GNAO1: variants seen among roughly 807,000 people sequenced by gnomAD.
GNAO1 encodes guanine nucleotide-binding protein G(o) subunit alpha.
For missense variants in GNAO1, 166 were observed against 478.7 expected, an observed-to-expected ratio of 0.35 and a Z score of 6.10; for synonymous variants, 164 against 180.7, an observed-to-expected ratio of 0.91 and a Z score of 0.74.
Position 56,351,488 on chromosome 16 carries a change from C to A in GNAO1, c.828C>A (p.Gly276=). ...ILFLNKKDLF[G]EKIKKSPLTI... ...TCCTCAACAAGAAAGATCTCTTTGG[C>A]GAGAAGATCAAGAAGTCACCTTTGA... Residue 276 remains glycine, a synonymous_variant, in exon 7 of 9, where the codon GGC becomes GGA. Transcript: ENST00000262493. This position sits in a 1 kb window ranked among gnomAD's most constrained non-coding sequence, Gnocchi z 6.1. The A allele has an allele frequency of 1.2e-6, 2 of 1,612,658 alleles. No individual in the cohort carries two copies. The highest frequency in any genetic ancestry group is 1.7e-6 in the Non-Finnish European group (2 of 1,178,732).
In GNAO1 at chr16:56,356,684, C is replaced by T. The variant is rs535318250; in HGVS notation, c.*610C>T. The T allele has an allele frequency of 1.3e-5, 2 of 152,890 alleles. No homozygotes were observed. The highest frequency in any genetic ancestry group is 2.1e-4 in the South Asian group (1 of 4,830). The allele number at this position is 152,890 out of a possible 1,614,324, so 9.5% of individuals were successfully genotyped here. ...GGCCAGTAGCTGCCAAAAAGAACAC[C>T]CATCGTATAAGGAAATCCAGCCCCA... On this transcript the variant is annotated 3_prime_UTR_variant, in exon 9 of 9. Transcript: ENST00000262493.
At chr16:56,248,452 A>T (rs2036769875) in intron 2 of GNAO1, among the ~76,000 whole-genome samples, 1 of 152,208 alleles carries the variant, frequency 6.6e-6, no homozygotes, top group Admixed American at 6.5e-5. Flanking sequence ...TATATACTAA[A>T]TGCTTGCCCT....
At chr16:56,249,418 A>G (rs1173111961) in intron 2 of GNAO1, among the ~76,000 whole-genome samples, 8 of 152,164 alleles carry the variant, frequency 5.3e-5, no homozygotes, top group African/African-American at 1.2e-4. Context: ...AATGAAAACC[A>G]TCGCACTTTC....
In GNAO1 at chr16:56,310,157, GAAAGAAAAAAA is replaced by G. The variant is rs1301886257; in HGVS notation, c.304-18463_304-18453del. ...CCCCATTTCTAAAAAACAAAAAAAA[GAAAGAAAAAAA>G]AAAGAAAAAATCAGCAGGACATTGT... On this transcript the variant is annotated intron_variant, in intron 3 of 8. Transcript: ENST00000262493. Among the ~76,000 whole-genome samples the G allele has an allele frequency of 4.6e-5, 7 of 150,788 alleles. No individual in the cohort carries two copies. The South Asian group carries it at 1.3e-3, about 27-fold the overall frequency.
intron 2 of GNAO1, among the ~76,000 whole-genome samples, chr16:56,268,878 G>A (rs1317856383): frequency 6.6e-6 from 1 of 152,142 alleles, no homozygotes; most frequent in African/African-American, 2.4e-5. Flanking sequence ...CTGGCATGTG[G>A]CTTCTTCCCT....
intron 2 of GNAO1, among the ~76,000 whole-genome samples, chr16:56,274,547 TGTG>T (rs1460062699): frequency 6.6e-6 from 1 of 151,840 alleles, no homozygotes; most frequent in Non-Finnish European, 1.5e-5. Flanking sequence ...ATAAATAAAA[TGTG>T]GTACATCCAT....
At chr16:56,231,998 G>T (rs1405176066) in intron 2 of GNAO1, among the ~76,000 whole-genome samples, 1 of 152,112 alleles carries the variant, frequency 6.6e-6, no homozygotes, top group East Asian at 1.9e-4. Context: ...TGGAGGAGGG[G>T]GGCCCAGACC....
chr16:56,324,307 C>T (rs887739642), intron 3 of GNAO1, among the ~76,000 whole-genome samples: 1 of 152,170 alleles, frequency 6.6e-6, no homozygotes, highest in South Asian at 2.1e-4. Flanking sequence ...CCCACATTAG[C>T]GTGTGATCCT....
Position 56,357,194 on chromosome 16 carries a change from C to T in GNAO1, c.*1120C>T, listed in dbSNP as rs1254235300. On this transcript the variant is annotated 3_prime_UTR_variant, in exon 9 of 9. Coordinates refer to ENST00000262493, the MANE Select transcript of GNAO1 (RefSeq NM_020988.3). ...CCTCTTCACGGTTTCACTTTTAAGA[C>T]TTAATCTTTGCTGAAGAAGACCAGT... The T allele has an allele frequency of 6.6e-6, 1 of 151,238 alleles. No homozygotes were observed. The highest frequency in any genetic ancestry group is 6.6e-5 in the Admixed American group (1 of 15,136). 9.4% of individuals were successfully genotyped at this position (151,238 alleles called of 1,614,324 possible).
intron 2 of GNAO1, among the ~76,000 whole-genome samples, chr16:56,234,533 A>G (rs1292453103): frequency 6.6e-6 from 1 of 152,236 alleles, no homozygotes; most frequent in Non-Finnish European, 1.5e-5. Context: ...TCTAATAGCC[A>G]GTTTAAGGAG....
At chr16:56,196,022 T>C (rs184388520) in intron 2 of GNAO1, among the ~76,000 whole-genome samples, 207 of 152,160 alleles carry the variant, frequency 1.4e-3, no homozygotes, top group African/African-American at 4.8e-3. Context: ...GCTTGATAAG[T>C]GTTGTAAGGG....
chr16:56,343,449 C>A (rs2037825966), intron 6 of GNAO1, among the ~76,000 whole-genome samples: 2 of 149,884 alleles, frequency 1.3e-5, no homozygotes. Flanking sequence ...GATCGTACCA[C>A]CACACTCCAG....
intron 3 of GNAO1, among the ~76,000 whole-genome samples, chr16:56,293,720 T>C (rs1444806214): frequency 6.6e-6 from 1 of 152,192 alleles, no homozygotes; most frequent in African/African-American, 2.4e-5. Context: ...TGACTGAAGA[T>C]GAGGCTAATT....
At chr16:56,285,757 CA>C (rs2037160336) in intron 3 of GNAO1, among the ~76,000 whole-genome samples, 1 of 152,188 alleles carries the variant, frequency 6.6e-6, no homozygotes. Context: ...ATAGGATTTA[CA>C]AAAATATTAA....
In GNAO1 at chr16:56,320,859, C is replaced by G. The variant is rs2617838; in HGVS notation, c.304-7772C>G. 2.5e-3 allele frequency among the ~76,000 whole-genome samples: 382 copies of G among 152,338 alleles called. 2 individuals carry two copies. The highest frequency in any genetic ancestry group is 8.9e-3 in the African/African-American group (370 of 41,578). On this transcript the variant is annotated intron_variant, in intron 3 of 8. Coordinates refer to ENST00000262493, the MANE Select transcript of GNAO1 (RefSeq NM_020988.3). ...GGACAGTGGTGGGAAGAGGGACCCA[C>G]TCCTTCATGCCTCAGGCAGACATGC...
intron 2 of GNAO1, among the ~76,000 whole-genome samples, chr16:56,210,819 C>T (rs1042837583): frequency 1.3e-5 from 2 of 152,142 alleles, no homozygotes; most frequent in Non-Finnish European, 2.9e-5. Context: ...TGGATAACAG[C>T]CTTTTATCTG....
At chr16:56,280,764 G>C (rs552878882) in intron 3 of GNAO1, among the ~76,000 whole-genome samples, 1 of 152,178 alleles carries the variant, frequency 6.6e-6, no homozygotes, top group East Asian at 1.9e-4. Context: ...ATGGGCACAA[G>C]GTAGAACCTC....
intron 2 of GNAO1, among the ~76,000 whole-genome samples, chr16:56,231,671 A>G (rs769798878): frequency 8.5e-5 from 13 of 152,198 alleles, no homozygotes; most frequent in Non-Finnish European, 1.8e-4. Flanking sequence ...ATAAATCTGA[A>G]TGCAGACTGT....
At chr16:56,309,218 A>G (rs1157721409) in intron 3 of GNAO1, among the ~76,000 whole-genome samples, 1 of 152,184 alleles carries the variant, frequency 6.6e-6, no homozygotes, top group Non-Finnish European at 1.5e-5. Flanking sequence ...CTAGGAGACC[A>G]GAAGTTACCA....
Sources: gnomAD v4.1 joint callset for allele counts (sites outside exome capture counted in the v4.1 genomes callset) on GRCh38, gnomAD v4.1.1 for gene constraint, Gnocchi (gnomAD v3.1) non-coding constraint, MANE v1.5 for transcripts, NCBI Gene and HGNC (gene_info 2026-07-23, HGNC 2026-07-21) for gene names.